The following JAKMIP3 variants were observed in gnomAD, a reference collection of about 807,000 sequenced individuals.
JAKMIP3 encodes the protein janus kinase and microtubule-interacting protein 3.
A neutral mutation model predicts 118.5 loss-of-function variants in JAKMIP3; 58 were observed. The observed-to-expected ratio is 0.49, with a 90% CI of 0.40 to 0.61. The LOEUF (loss-of-function observed/expected upper bound fraction) is 0.61, where lower values mean the gene tolerates loss of function less well. Among genes scored for constraint, JAKMIP3 ranks in the 20% least tolerant of loss-of-function variants. The pLI is 0.00. For missense variants in JAKMIP3, 950 were observed against 1,109.0 expected, an observed-to-expected ratio of 0.86 and a Z score of 2.04; for synonymous variants, 486 against 451.2, an observed-to-expected ratio of 1.08 and a Z score of -0.98.
Position 132,140,435 on chromosome 10 carries a change from G to A in JAKMIP3, c.1345-16G>A, listed in dbSNP as rs777459232. Reference sequence around the variant, plus strand: ...TGGGTCTGGTTTGAACTGACACGTCGCATTTTGGTCACAAGCCGGTGGTTG... The same window carrying A: ...TGGGTCTGGTTTGAACTGACACGTCACATTTTGGTCACAAGCCGGTGGTTG... On this transcript the variant is annotated splice_polypyrimidine_tract_variant and intron_variant, in intron 9 of 23. Transcript: ENST00000684848. 5.0e-6 allele frequency: 8 copies of A among 1,613,340 alleles called. No homozygotes were observed. The highest frequency in any genetic ancestry group is 4.4e-5 in the South Asian group (4 of 91,074).
intron 1 of JAKMIP3, among the ~76,000 whole-genome samples, chr10:132,069,590 C>T (rs2039494580): frequency 6.6e-6 from 1 of 150,662 alleles, no homozygotes; most frequent in Non-Finnish European, 1.5e-5. Flanking sequence ...CCCCTGCGTG[C>T]AGGTCTCTGT....
chr10:132,176,575 G>A (rs1205945958), intron 23 of JAKMIP3, among the ~76,000 whole-genome samples: 1 of 152,150 alleles, frequency 6.6e-6, no homozygotes, highest in Non-Finnish European at 1.5e-5. Flanking sequence ...TAGCAGACAC[G>A]TTTCCACAAC....
intron 2 of JAKMIP3, among the ~76,000 whole-genome samples, chr10:132,113,266 A>G (rs2047139872): frequency 6.6e-6 from 1 of 152,240 alleles, no homozygotes. Flanking sequence ...ACTTTTATAC[A>G]TGGCAGATCC....
chr10:132,085,435 G>A (rs905577447), intron 1 of JAKMIP3, among the ~76,000 whole-genome samples: 1 of 151,278 alleles, frequency 6.6e-6, no homozygotes, highest in Non-Finnish European at 1.5e-5. Flanking sequence ...ATTTTTAATT[G>A]AGCTTATTTG....
intron 19 of JAKMIP3, among the ~76,000 whole-genome samples, chr10:132,154,661 C>T (rs2056780757): frequency 6.6e-6 from 1 of 152,058 alleles, no homozygotes; most frequent in African/African-American, 2.4e-5. Context: ...GGGTCTTGAC[C>T]CTCATGCCTG....
In JAKMIP3 at chr10:132,153,026, A is replaced by T. The variant is rs1235409504; in HGVS notation, c.2073+3A>T. 6.2e-7 allele frequency: 1 copy of T among 1,605,124 alleles called. No homozygotes were observed. The highest frequency in any genetic ancestry group is 1.7e-5 in the Admixed American group (1 of 59,126). On this transcript the variant is annotated splice_donor_region_variant and intron_variant, in intron 17 of 23. Transcript: ENST00000684848. ...CAGTCCTGACCTTGGCCGAAAAGGT[A>T]ACAGCAGCTGTGTGGACAGTCGGGA... is the stretch of plus-strand genomic sequence containing the variant.
At chr10:132,037,890 G>A (rs2037565909) in intron 1 of JAKMIP3, among the ~76,000 whole-genome samples, 1 of 152,258 alleles carries the variant, frequency 6.6e-6, no homozygotes, top group African/African-American at 2.4e-5. Flanking sequence ...GGGCTGTAGA[G>A]AACAGCAGTA....
Position 132,127,392 on chromosome 10 carries a change from T to TGTGTGTG in JAKMIP3, c.634-5920_634-5919insGTGTGTG, listed in dbSNP as rs2049794212. Among the ~76,000 whole-genome samples the TGTGTGTG allele has an allele frequency of 4.1e-5, 6 of 146,868 alleles. No homozygotes were observed. The East Asian group carries it at 1.0e-3, about 25-fold the overall frequency. ...TGTGCGCCACCATGCCTGGCTAATT[T>TGTGTGTG]TGTGTGTGTGTGTGTGTGTGTGTGT... On this transcript the variant is annotated intron_variant, in intron 3 of 23. Transcript: ENST00000684848.
rs193149345 is a variant in JAKMIP3, at chr10:132,131,833, G to T, written c.634-1479G>T. 7.0e-4 allele frequency among the ~76,000 whole-genome samples: 106 copies of T among 152,246 alleles called. 1 individual carries two copies. The highest frequency in any genetic ancestry group is 2.2e-3 in the African/African-American group (92 of 41,526). On this transcript the variant is annotated intron_variant, in intron 3 of 23. Transcript: ENST00000684848. ...TGGGTGCAGGTGGGACAGGAGACAG[G>T]TGTGCCGCCCCCCACCCACAGCCCC... is the stretch of plus-strand genomic sequence containing the variant.
At chr10:132,116,121 G>A (rs954133524) in intron 2 of JAKMIP3, among the ~76,000 whole-genome samples, 24 of 152,172 alleles carry the variant, frequency 1.6e-4, no homozygotes, top group African/African-American at 4.6e-4. Flanking sequence ...TTTTCTCCGC[G>A]GTTTCAAACA....
chr10:132,164,194 G>C (rs1308334741), intron 20 of JAKMIP3, among the ~76,000 whole-genome samples: 4 of 152,220 alleles, frequency 2.6e-5, no homozygotes, highest in African/African-American at 7.2e-5. Context: ...GTCTCCAGGG[G>C]CTCAGGGTGA....
chr10:132,108,196 CTG>C (rs1707678794), intron 2 of JAKMIP3, among the ~76,000 whole-genome samples: 1 of 152,198 alleles, frequency 6.6e-6, no homozygotes, highest in Non-Finnish European at 1.5e-5. Context: ...TCACACCTCA[CTG>C]TGCAGCAGAG....
chr10:132,094,316 T>G (rs939702616), intron 1 of JAKMIP3, among the ~76,000 whole-genome samples: 3 of 152,124 alleles, frequency 2.0e-5, no homozygotes, highest in Non-Finnish European at 4.4e-5. Context: ...GTGATTTTTT[T>G]GGGGTGTTAA....
rs1204652549 is a variant in JAKMIP3 at position 132,138,148 on chromosome 10, G to A, written c.1314G>A (p.Lys438=). The A allele has an allele frequency of 6.2e-7, 1 of 1,612,068 alleles. No individual in the cohort carries two copies. The highest frequency in any genetic ancestry group is 8.5e-7 in the Non-Finnish European group (1 of 1,179,180). Residue 438 remains lysine, a synonymous_variant, in exon 9 of 24, where the codon AAG becomes AAA. Coordinates refer to ENST00000684848, the MANE Select transcript of JAKMIP3 (RefSeq NM_001323087.2). ...LERDKLLRFR[K]QRKKMAKLPK... is the part of the protein sequence containing the mutation. ...GGGACAAGCTGTTAAGATTCCGGAAGCAAAGAAAGAAAATGGCAAAACTTC... is the reference window on the plus strand; with the variant it reads ...GGGACAAGCTGTTAAGATTCCGGAAACAAAGAAAGAAAATGGCAAAACTTC...
intron 9 of JAKMIP3, among the ~76,000 whole-genome samples, chr10:132,139,381 TGTGA>T (rs2052864822): frequency 7.7e-6 from 1 of 129,728 alleles, no homozygotes. Context: ...TGTGTGAGTA[TGTGA>T]GTGTATGAGT....
rs145914458 is a variant in JAKMIP3, at chr10:132,059,195, G to A, written c.-138+22457G>A. ...CAGATGGAGAGGAGCCTTTCCTCCC[G>A]CTGAGCTTCCTTTGGACAGCCTCTG... On this transcript the variant is annotated intron_variant, in intron 1 of 23. Coordinates refer to the JAKMIP3 transcript ENST00000657785. Among the ~76,000 whole-genome samples, 203 of 152,312 alleles carry A rather than the reference G, an allele frequency of 1.3e-3. 1 individual carries two copies. The highest frequency in any genetic ancestry group is 4.5e-3 in the African/African-American group (186 of 41,570).
Position 132,117,301 on chromosome 10 carries a change from C to A in JAKMIP3, c.360C>A (p.Leu120=), listed in dbSNP as rs559504656. Reference sequence around the variant, plus strand: ...AGAACCAGCGGCTGCAGGCACTGCTCAGTGCCCTGCGTGATGGCGGCCCCG... The same window carrying A: ...AGAACCAGCGGCTGCAGGCACTGCTAAGTGCCCTGCGTGATGGCGGCCCCG... ...DNENQRLQAL[L]SALRDGGPEK... The change falls in exon 3 of 24, where the codon CTC becomes CTA. Residue 120 remains leucine (L), a synonymous_variant. Transcript: ENST00000684848. This position sits in a 1 kb window ranked among gnomAD's most constrained non-coding sequence, Gnocchi z 8.6. 17 of 1,613,928 alleles carry A rather than the reference C, an allele frequency of 1.1e-5. No homozygotes were observed. Among genetic ancestry groups the A allele is most frequent in the Middle Eastern group, 1.6e-4 (1 of 6,062 alleles).
chr10:132,107,268 A>AT (rs1263032658), intron 2 of JAKMIP3, among the ~76,000 whole-genome samples: 5 of 152,182 alleles, frequency 3.3e-5, no homozygotes, highest in Non-Finnish European at 7.3e-5. Context: ...TGTCCACCTA[A>AT]TTACAACAGC....
intron 6 of JAKMIP3, 73 bp from the exon 7 acceptor site, chr10:132,136,946 C>G: frequency 1.3e-6 from 2 of 1,527,802 alleles, no homozygotes; most frequent in Non-Finnish European, 1.8e-6. Context: ...GAGAAGACCC[C>G]CCCGCCGACC....
Sources: allele counts gnomAD v4.1 joint callset (sites outside exome capture counted in the v4.1 genomes callset), GRCh38; gene constraint gnomAD v4.1.1; non-coding constraint Gnocchi (gnomAD v3.1); transcripts MANE v1.5; gene names NCBI Gene and HGNC (gene_info 2026-07-23, HGNC 2026-07-21).